Variants in ECPAS observed in about 807,000 individuals in gnomAD.
ECPAS encodes proteasome adapter and scaffold protein ECM29.
ECPAS carries 70 observed loss-of-function variants against 255.1 expected under a neutral mutation model. That is an observed-to-expected ratio of 0.27 (90% CI 0.23 to 0.33). The LOEUF is 0.33. Ranked by LOEUF, ECPAS falls within the 10% of genes least tolerant of loss-of-function variation. ECPAS has a pLI of 1.00. For synonymous variants in ECPAS, 784 were observed against 775.0 expected (o/e 1.01, Z -0.19); for missense variants, 1,817 against 2,206.4 (o/e 0.82, Z 3.54).
At chr9:111,468,768 A>T (rs2098282636) in intron 2 of ECPAS, among the ~76,000 whole-genome samples, 1 of 150,898 alleles carries the variant, frequency 6.6e-6, no homozygotes, top group South Asian at 2.1e-4. Context: ...AGAATAAGAA[A>T]CTAAAGTATA....
At chr9:111,465,106 C>T (rs891130361) in intron 2 of ECPAS, among the ~76,000 whole-genome samples, 1 of 151,828 alleles carries the variant, frequency 6.6e-6, no homozygotes, top group Non-Finnish European at 1.5e-5. Context: ...CCACTGCACA[C>T]CAACCTGGGC....
At chr9:111,362,963 C>A (rs563322415) in intron 49 of ECPAS, among the ~76,000 whole-genome samples, 1 of 152,136 alleles carries the variant, frequency 6.6e-6, no homozygotes, top group African/African-American at 2.4e-5. Context: ...GTAGAAAGAG[C>A]AAATACACAA....
intron 8 of ECPAS, among the ~76,000 whole-genome samples, chr9:111,432,390 G>A (rs532394094): frequency 2.2e-4 from 33 of 152,302 alleles, no homozygotes; most frequent in Non-Finnish European, 4.1e-4. Flanking sequence ...AAGCTGCGTG[G>A]ATCACCTGAG....
chr9:111,372,550 C>G lies in ECPAS; in HGVS notation c.4407G>C (p.Lys1469Asn). 1.2e-6 allele frequency: 2 copies of G among 1,613,766 alleles called. No homozygotes were observed. The highest frequency in any genetic ancestry group is 1.6e-4 in the Middle Eastern group (1 of 6,062). Residue 1469 changes from lysine to asparagine, a missense_variant, in exon 42 of 50, where the codon AAG (lysine) becomes AAC (asparagine). This residue lies in a region of ECPAS where 960 missense variants were observed against 1,179.0 expected (regional missense o/e 0.81). Transcript: ENST00000684092. ...GAGGCAGGACTTCTTTTGCATGATT[C>G]TTTAATACATCAGGGCTGTATCGTC... Reference protein sequence around the residue: ...AIGRYSPDVLKNHAKEVLPLA... With the variant: ...AIGRYSPDVLNNHAKEVLPLA...
chr9:111,436,323 C>G (rs2098238141), intron 7 of ECPAS, among the ~76,000 whole-genome samples: 1 of 152,192 alleles, frequency 6.6e-6, no homozygotes, highest in African/African-American at 2.4e-5. Flanking sequence ...CCTGAAGTGC[C>G]TGATGACACA....
intron 13 of ECPAS, 100 bp downstream of exon 13, chr9:111,423,099 T>A: frequency 1.2e-6 from 1 of 837,702 alleles, no homozygotes; most frequent in South Asian, 1.6e-5. Flanking sequence ...ACATTCCCTT[T>A]CAGAATCACG....
At chr9:111,466,095 A>C (rs1018670264) in intron 2 of ECPAS, among the ~76,000 whole-genome samples, 1 of 152,152 alleles carries the variant, frequency 6.6e-6, no homozygotes, top group African/African-American at 2.4e-5. Context: ...TTTAAAGACA[A>C]GAAAAAAAAT....
At chr9:111,368,270 T>A (rs1456686225) in intron 46 of ECPAS, among the ~76,000 whole-genome samples, 2 of 152,210 alleles carry the variant, frequency 1.3e-5, no homozygotes, top group African/African-American at 2.4e-5. Context: ...GGGAAATACA[T>A]GTCCAGTTCT....
chr9:111,393,411 C>T (rs1385725245), intron 27 of ECPAS, among the ~76,000 whole-genome samples: 2 of 152,126 alleles, frequency 1.3e-5, no homozygotes, highest in Non-Finnish European at 2.9e-5. Flanking sequence ...AAGAAGGCCT[C>T]GGCTCCATTT....
intron 43 of ECPAS, among the ~76,000 whole-genome samples, chr9:111,371,279 A>G (rs2098126961): frequency 6.6e-6 from 1 of 152,184 alleles, no homozygotes; most frequent in Non-Finnish European, 1.5e-5. Context: ...TATTTCACAT[A>G]TGCCCAATCC....
chr9:111,382,008 AACAC>A (rs72204951), intron 35 of ECPAS, among the ~76,000 whole-genome samples: 14,596 of 146,916 alleles, frequency 0.099, 990 homozygotes, highest in East Asian at 0.28. Context: ...AATTTTGTAA[AACAC>A]ACACACACAC....
rs1313798854 is a variant in ECPAS at position 111,408,520 on chromosome 9, G to C, written c.2652+51C>G. On this transcript the variant is annotated intron_variant, in intron 24 of 49. Transcript: ENST00000684092. The stretch of plus-strand genomic sequence containing the variant: ...AAACTGCACCTAAAAAAAAAAAAAA[G>C]ACCAATGCCTTTTCTCTGAATAACT... 27 of 985,320 alleles carry C rather than the reference G, an allele frequency of 2.7e-5. No individual in the cohort carries two copies. In the East Asian group the frequency reaches 5.0e-4, roughly 18 times the overall value. The allele number at this position is 985,320 out of a possible 1,614,324, so 61.0% of individuals were successfully genotyped here.
chr9:111,458,651 G>A (rs918189037), intron 2 of ECPAS, among the ~76,000 whole-genome samples: 1 of 151,810 alleles, frequency 6.6e-6, no homozygotes, highest in African/African-American at 2.4e-5. Flanking sequence ...GAGGAGGGTG[G>A]GGGGGGTGTT....
At chr9:111,427,401 G>C (rs57529739) in intron 10 of ECPAS, among the ~76,000 whole-genome samples, 8,603 of 152,158 alleles carry the variant, frequency 0.057, 582 homozygotes, top group African/African-American at 0.15. Flanking sequence ...TGACTAAGTT[G>C]CTAATGATAC....
intron 35 of ECPAS, among the ~76,000 whole-genome samples, chr9:111,378,983 T>C (rs560506428): frequency 1.3e-5 from 2 of 152,088 alleles, no homozygotes; most frequent in African/African-American, 2.4e-5. Context: ...TCCATGTATT[T>C]ATTTATAGTA....
chr9:111,392,936 G>T, intron 27 of ECPAS, 54 bp from the exon 28 acceptor site: 1 of 1,238,656 alleles, frequency 8.1e-7, no homozygotes, highest in Non-Finnish European at 1.2e-6. Flanking sequence ...TTGTCTACTT[G>T]CTATGAAATC....
intron 1 of ECPAS, among the ~76,000 whole-genome samples, chr9:111,481,509 A>C (rs75819210): frequency 6.7e-6 from 1 of 149,988 alleles, no homozygotes; most frequent in Non-Finnish European, 1.5e-5. Flanking sequence ...TGGTCTCAAG[A>C]AAAAAAAAAG....
In ECPAS at chr9:111,390,011, G is replaced by T; in HGVS notation, c.3252C>A (p.Asn1084Lys). ...TCCTAGAGTTCCACATTGCATGATG[G>T]TTGGCTAAATTCATAAATTTATACA... ...DLVYKFMNLA[N>K]HHAMWNSRKG... The change falls in exon 30 of 50, where the codon AAC becomes AAA. Residue 1084 changes from asparagine to lysine, a missense_variant. Transcript: ENST00000684092. 5 of 1,599,136 alleles carry T rather than the reference G, an allele frequency of 3.1e-6. No homozygotes were observed. Among genetic ancestry groups the T allele is most frequent in the Non-Finnish European group, 4.3e-6 (5 of 1,168,628 alleles).
chr9:111,373,077 TA>T, intron 41 of ECPAS, 92 bp downstream of exon 41: 2 of 975,948 alleles, frequency 2.0e-6, no homozygotes, highest in Non-Finnish European at 3.2e-6. Context: ...GCAAATCACA[TA>T]AAATCATGGA....
Sources: allele counts gnomAD v4.1 joint callset (sites outside exome capture counted in the v4.1 genomes callset), GRCh38; gene constraint gnomAD v4.1.1; regional missense constraint gnomAD v4.1.1; transcripts MANE v1.5; gene names NCBI Gene and HGNC (gene_info 2026-07-23, HGNC 2026-07-21).